Variants in CCDC30 observed in about 807,000 individuals in gnomAD.
CCDC30 encodes the protein coiled-coil domain-containing protein 30.
Under a neutral mutation model 100.2 loss-of-function variants are expected in CCDC30, and 70 were observed. The ratio of observed to expected loss-of-function variants is 0.70; its 90% CI spans 0.58 to 0.85. The LOEUF (loss-of-function observed/expected upper bound fraction) is 0.85, where lower values mean the gene tolerates loss of function less well. Among genes scored for constraint, CCDC30 ranks in the 40% least tolerant of loss-of-function variants. The probability of loss-of-function intolerance (pLI) is 0.00; values close to 1 mark genes in which losing one functional copy is unlikely to be tolerated. For synonymous variants in CCDC30, 233 were observed against 269.5 expected (o/e 0.86, Z 1.33); for missense variants, 652 against 771.2 (o/e 0.85, Z 1.83).
intron 1 of CCDC30, among the ~76,000 whole-genome samples, chr1:42,464,852 A>G (rs1643518160): frequency 6.6e-6 from 1 of 152,240 alleles, no homozygotes; most frequent in Admixed American, 6.5e-5. Flanking sequence ...TCTCAGTCCA[A>G]TAGAAGCAGT....
At chr1:42,484,104 A>T (rs1315149187) in intron 3 of CCDC30, among the ~76,000 whole-genome samples, 3 of 128,578 alleles carry the variant, frequency 2.3e-5, no homozygotes, top group Non-Finnish European at 3.6e-5. Context: ...AATAATGATT[A>T]TGCCTGTGTG....
intron 2 of CCDC30, among the ~76,000 whole-genome samples, chr1:42,481,025 T>G (rs768705396): frequency 6.6e-6 from 1 of 151,784 alleles, no homozygotes; most frequent in African/African-American, 2.4e-5. Flanking sequence ...GTGGGAGGAT[T>G]GCTTGAGCCC....
chr1:42,482,731 A>T (rs962513342), exon 3 of CCDC30: 1 of 1,234,202 alleles, frequency 8.1e-7, no homozygotes, highest in South Asian at 4.1e-5. Flanking sequence ...TGGAACAAGT[A>T]GCAAAGAAGT....
rs539213056 is a variant in CCDC30, at chr1:42,464,796, A to G, written c.-92+898A>G. 2.0e-5 allele frequency among the ~76,000 whole-genome samples: 3 copies of G among 152,334 alleles called. No homozygotes were observed. In the South Asian group the frequency reaches 6.2e-4, roughly 32 times the overall value. ...TTTTGAGGACATACAGAACATACAC[A>G]TTTTAAACAGCTATTTGGGGCTACA... On this transcript the variant is annotated intron_variant, in intron 1 of 16. Coordinates refer to ENST00000668663, the Ensembl canonical transcript of CCDC30.
chr1:42,536,941 C>T, intron 6 of CCDC30: 1 of 357,152 alleles, frequency 2.8e-6, no homozygotes, highest in Non-Finnish European at 5.3e-6. Flanking sequence ...ATTAAGGCCC[C>T]ACCCTTATAT....
chr1:42,621,497 T>TTTATTTA (rs1553124497), intron 11 of CCDC30, among the ~76,000 whole-genome samples: 1 of 145,192 alleles, frequency 6.9e-6, no homozygotes, highest in African/African-American at 2.5e-5. Context: ...GTTTATTTTA[T>TTTATTTA]TTTATTTATT....
At chr1:42,557,721 A>ATATTAAATACATTATGTTAATG (rs1645400643) in intron 6 of CCDC30, among the ~76,000 whole-genome samples, 1 of 107,932 alleles carries the variant, frequency 9.3e-6, no homozygotes. Flanking sequence ...ATATGTAAAT[A>ATATTAAATACATTATGTTAATG]ATAAAATATT....
intron 6 of CCDC30, among the ~76,000 whole-genome samples, chr1:42,557,674 AT>A (rs1182776231): frequency 1.4e-5 from 2 of 147,628 alleles, no homozygotes; most frequent in African/African-American, 4.9e-5. Context: ...AATATATTAA[AT>A]AAAATATTTT....
chr1:42,625,720 T>C (rs889949670), intron 11 of CCDC30, among the ~76,000 whole-genome samples: 4 of 152,110 alleles, frequency 2.6e-5, no homozygotes, highest in African/African-American at 9.7e-5. Flanking sequence ...TCGGAGAAAA[T>C]GCTTGATATT....
chr1:42,529,807 A>T (rs187576813), intron 6 of CCDC30: 99 of 152,356 alleles, frequency 6.5e-4, no homozygotes, highest in African/African-American at 2.2e-3. Context: ...TGTTTCCTTC[A>T]GTCATTCCTT....
intron 13 of CCDC30, among the ~76,000 whole-genome samples, chr1:42,643,422 G>A (rs1318911940): frequency 5.3e-5 from 8 of 152,192 alleles, no homozygotes; most frequent in African/African-American, 7.2e-5. Flanking sequence ...TTGGGCACAC[G>A]TCTCTGGGCA....
At chr1:42,637,063 G>A (rs540019867) in intron 11 of CCDC30, among the ~76,000 whole-genome samples, 174 bp from the exon 16 acceptor site, 5 of 150,180 alleles carry the variant, frequency 3.3e-5, no homozygotes, top group African/African-American at 1.2e-4. Flanking sequence ...GGTTATCCTT[G>A]GCCCACTCCC....
At chr1:42,598,850 C>G (rs1646345192) in intron 10 of CCDC30, among the ~76,000 whole-genome samples, 1 of 151,936 alleles carries the variant, frequency 6.6e-6, no homozygotes, top group African/African-American at 2.4e-5. Context: ...CGCTTGAGAC[C>G]AGGAGTTTGA....
At chr1:42,456,563 C>G in the CCDC30 span, 2 of 1,472,058 alleles carry the variant, frequency 1.4e-6, no homozygotes, top group African/African-American at 1.4e-5. Flanking sequence ...CGCTGCGCTG[C>G]AGATGGCGGA....
exon 1 of CCDC30, chr1:42,463,819 G>C (rs79044236): frequency 6.6e-6 from 1 of 151,856 alleles, no homozygotes; most frequent in Non-Finnish European, 1.5e-5. Context: ...ATTTTTTTTG[G>C]CCGATGTTCG....
chr1:42,611,959 CAAT>C (rs1646634747), intron 11 of CCDC30, among the ~76,000 whole-genome samples: 1 of 152,016 alleles, frequency 6.6e-6, no homozygotes, highest in Admixed American at 6.6e-5. Flanking sequence ...GTGCCCAGTG[CAAT>C]TTTTTTTTTG....
At chr1:42,567,449 A>C (rs1304148070) in intron 7 of CCDC30, among the ~76,000 whole-genome samples, 1 of 152,156 alleles carries the variant, frequency 6.6e-6, no homozygotes, top group Non-Finnish European at 1.5e-5. Context: ...ATGGATAAGA[A>C]AGGTCCCTAC....
At chr1:42,655,645 C>T (rs1022846363), downstream of CCDC30, among the ~76,000 whole-genome samples, 22 of 152,084 alleles carry the variant, frequency 1.4e-4, no homozygotes, top group Non-Finnish European at 2.8e-4. Flanking sequence ...ACATAAACCC[C>T]ATTACACAGA....
chr1:42,524,904 C>A (rs1214469110), intron 6 of CCDC30, among the ~76,000 whole-genome samples: 1 of 152,146 alleles, frequency 6.6e-6, no homozygotes. Flanking sequence ...AATCTGTCAT[C>A]TCTCCTGGCC....
Sources: allele counts gnomAD v4.1 joint callset (sites outside exome capture counted in the v4.1 genomes callset), GRCh38; gene constraint gnomAD v4.1.1; transcripts MANE v1.5; gene names NCBI Gene and HGNC (gene_info 2026-07-23, HGNC 2026-07-21).